CD8B: variants seen among roughly 807,000 people sequenced by gnomAD.
CD8B encodes T-cell surface glycoprotein CD8 beta chain.
A neutral mutation model predicts 24.2 loss-of-function variants in CD8B; 6 were observed. The ratio of observed to expected loss-of-function variants is 0.25; its 90% CI spans 0.14 to 0.49. The LOEUF (loss-of-function observed/expected upper bound fraction) is 0.49. CD8B is among the 20% of genes least tolerant of loss of function. The pLI, the probability that CD8B is intolerant of heterozygous loss-of-function variation, is 0.98. For missense variants in CD8B, 196 were observed against 271.3 expected (o/e 0.72, Z 1.95); for synonymous variants, 84 against 108.3 (o/e 0.78, Z 1.39).
intron 2 of CD8B, among the ~76,000 whole-genome samples, chr2:86,857,136 G>A (rs940907502): frequency 1.3e-5 from 2 of 151,946 alleles, no homozygotes; most frequent in African/African-American, 4.8e-5. Context: ...AGGCCCAGGG[G>A]AGAAAGCATG....
Position 86,844,602 on chromosome 2 carries a change from C to G in CD8B, c.620+320G>C, listed in dbSNP as rs914056597. 4 of 1,407,154 alleles carry G rather than the reference C, an allele frequency of 2.8e-6. No individual in the cohort carries two copies. The African/African-American group carries it at 5.7e-5, about 20-fold the overall frequency. The allele number at this position is 1,407,154 out of a possible 1,614,324, so 87.2% of individuals were successfully genotyped here. A position where few individuals can be genotyped will look rare whatever the true frequency, so the allele number is the denominator to read the frequency against. On this transcript the variant is annotated intron_variant, in intron 5 of 5. Transcript: ENST00000390655. ...TCAGGTTTTTGTTTGTTTAGGTTATCTCTTAGGTTCCTGAACTCTATCACC... is the reference window on the plus strand; with the variant it reads ...TCAGGTTTTTGTTTGTTTAGGTTATGTCTTAGGTTCCTGAACTCTATCACC...
At position 86,858,005 on chromosome 2, in the gene CD8B, C is replaced by T. The variant is rs531617202; in HGVS notation, c.403+52G>A. 3.0e-5 allele frequency: 48 copies of T among 1,582,996 alleles called. No homozygotes were observed. The East Asian group carries it at 6.7e-4, about 22-fold the overall frequency. ...AGCCTGGTGGTCCCAGTGCCTGGCA[C>T]GTGCCTGGCACACAATCGGTGCTCA... On this transcript the variant is annotated intron_variant, in intron 2 of 5. Coordinates refer to ENST00000390655, the MANE Select transcript of CD8B (RefSeq NM_004931.5).
chr2:86,820,499 T>A (rs977046993), intron 5 of CD8B, among the ~76,000 whole-genome samples: 2 of 152,240 alleles, frequency 1.3e-5, no homozygotes, highest in Admixed American at 6.5e-5. Context: ...GATTTTAGCA[T>A]GTATTTGGTA....
At chr2:86,850,340 A>G (rs1477608060) in intron 3 of CD8B, among the ~76,000 whole-genome samples, 1 of 152,110 alleles carries the variant, frequency 6.6e-6, no homozygotes, top group Non-Finnish European at 1.5e-5. Flanking sequence ...ATGGTCCCCC[A>G]GCACCTAAGG....
intron 5 of CD8B, among the ~76,000 whole-genome samples, chr2:86,830,122 G>A (rs1162026632): frequency 3.3e-5 from 5 of 152,026 alleles, no homozygotes; most frequent in Non-Finnish European, 5.9e-5. Context: ...GGAGTGCAGT[G>A]GTACGATCCT....
At chr2:86,842,366 A>T (rs1248174335) in intron 5 of CD8B, 47 bp from the exon 6 acceptor site, 18 of 1,580,784 alleles carry the variant, frequency 1.1e-5, no homozygotes, top group Non-Finnish European at 1.5e-5. Context: ...CAGGCAAACG[A>T]TATTGAATTT....
chr2:86,851,619 A>G (rs970886720), intron 3 of CD8B, among the ~76,000 whole-genome samples: 3 of 152,130 alleles, frequency 2.0e-5, no homozygotes, highest in African/African-American at 7.2e-5. Flanking sequence ...TGCCGTCCTC[A>G]ATAATTTCTG....
At position 86,858,247 on chromosome 2, in the gene CD8B, G is replaced by A. The variant is rs145473020; in HGVS notation, c.213C>T (p.Ala71=). The A allele has an allele frequency of 2.0e-5, 32 of 1,613,858 alleles. No individual in the cohort carries two copies. The highest frequency in any genetic ancestry group is 2.6e-5 in the Non-Finnish European group (31 of 1,179,884). Residue 71 remains alanine (A), a synonymous_variant, in exon 2 of 6, where the codon GCC becomes GCT. Transcript: ENST00000390655. ...PSSDSHHEFL[A]LWDSAKGTIH... ...TAGTCCCTTTTGCGGAATCCCAGAG[G>A]GCCAGGAACTCGTGGTGACTGTCAC...
intron 3 of CD8B, among the ~76,000 whole-genome samples, chr2:86,849,512 G>T (rs1343378721): frequency 2.0e-5 from 3 of 151,930 alleles, no homozygotes; most frequent in Non-Finnish European, 4.4e-5. Context: ...CGGTAGATTA[G>T]TGGCTGCCAG....
rs897219748 is a variant in CD8B, at chr2:86,844,956, G to A, written c.586C>T (p.Arg196Trp). 22 of 1,557,334 alleles carry A rather than the reference G, an allele frequency of 1.4e-5. No individual in the cohort carries two copies. Among genetic ancestry groups the A allele is most frequent in the Admixed American group, 9.7e-5 (5 of 51,690 alleles). ...AAACGAAGCCGGGCTCTCCTCCGCC[G>A]GCCTGGAAGAGGAAAGCAAGGGCGC... The part of the protein sequence containing the change: ...SLGVAIHLCC[R>W]RRRARLRFMK... Residue 196 changes from arginine (R) to tryptophan (W), a missense_variant and splice_region_variant, in exon 5 of 6, where the codon CGG becomes TGG. Arg to Trp is a moderately radical substitution (Grantham distance 101, BLOSUM62 -3). Coordinates refer to ENST00000390655, the MANE Select transcript of CD8B (RefSeq NM_004931.5).
chr2:86,837,864 G>A (rs1273619400), downstream of CD8B, among the ~76,000 whole-genome samples: 2 of 152,150 alleles, frequency 1.3e-5, no homozygotes, highest in Non-Finnish European at 2.9e-5. Context: ...ACACAGAAAA[G>A]GAAGTACTAT....
At position 86,841,732 on chromosome 2, in the gene CD8B, C is replaced by G; in HGVS notation, c.*575G>C. ...ATGGGAGCTGAGAAGATGAAGTGAA[C>G]TCCTATCCTCAAACCCGCAAGTTCC... On this transcript the variant is annotated 3_prime_UTR_variant, in exon 6 of 6. Transcript: ENST00000390655. 1.0e-6 allele frequency: 1 copy of G among 985,520 alleles called. No individual in the cohort carries two copies. Among genetic ancestry groups the G allele is most frequent in the Non-Finnish European group, 1.2e-6 (1 of 830,022 alleles). 61.0% of individuals were successfully genotyped at this position (985,520 alleles called of 1,614,324 possible).
downstream of CD8B, among the ~76,000 whole-genome samples, chr2:86,833,477 C>CCCTCT (rs1159690975): frequency 2.0e-5 from 3 of 146,924 alleles, no homozygotes; most frequent in Non-Finnish European, 3.0e-5. Context: ...CCGCACCCGG[C>CCCTCT]CCTCTCCTCT....
chr2:86,852,811 A>G (rs1009977324), intron 3 of CD8B, among the ~76,000 whole-genome samples, 186 bp downstream of exon 3: 1 of 152,012 alleles, frequency 6.6e-6, no homozygotes, highest in African/African-American at 2.4e-5. Context: ...ACAATTTATG[A>G]GTCTGTCTCC....
intron 5 of CD8B, among the ~76,000 whole-genome samples, chr2:86,829,395 G>A (rs1301462668): frequency 2.6e-5 from 4 of 152,058 alleles, no homozygotes; most frequent in Non-Finnish European, 4.4e-5. Flanking sequence ...GTGAGCCACC[G>A]CGCCTGGCTG....
intron 5 of CD8B, chr2:86,821,817 C>T (rs1016501050): frequency 9.8e-5 from 34 of 345,826 alleles, no homozygotes; most frequent in Non-Finnish European, 2.1e-4. Context: ...GGGAATGTTC[C>T]GAGCCCCCTG....
rs767948136 is a variant in CD8B, at chr2:86,858,240, C to T, written c.220G>A (p.Asp74Asn). Residue 74 changes from aspartate (D) to asparagine (N), a missense_variant, in exon 2 of 6, where the codon GAT becomes AAT. By Grantham distance (23) the Asp-to-Asn change is conservative. Transcript: ENST00000390655. ...CCGTGGATAGTCCCTTTTGCGGAAT[C>T]CCAGAGGGCCAGGAACTCGTGGTGA... is the stretch of plus-strand genomic sequence containing the variant. ...DSHHEFLALW[D>N]SAKGTIHGEE... 2 of 1,614,032 alleles carry T rather than the reference C, an allele frequency of 1.2e-6. No individual in the cohort carries two copies. The highest frequency in any genetic ancestry group is 1.7e-6 in the Non-Finnish European group (2 of 1,179,868).
rs189939860 is a variant in CD8B, at chr2:86,841,581, G to A, written c.*726C>T. The A allele has an allele frequency of 2.9e-4, 288 of 985,232 alleles. 1 individual carries two copies. The African/African-American group carries it at 4.4e-3, about 15-fold the overall frequency. 61.0% of individuals were successfully genotyped at this position (985,232 alleles called of 1,614,324 possible). ...TTCGCACGTTTATGTCACAGGAGCCGTTTGTTATCTTTAACCTGGGACTTT... is the reference window on the plus strand; with the variant it reads ...TTCGCACGTTTATGTCACAGGAGCCATTTGTTATCTTTAACCTGGGACTTT... On this transcript the variant is annotated 3_prime_UTR_variant, in exon 6 of 6. Coordinates refer to ENST00000390655, the MANE Select transcript of CD8B (RefSeq NM_004931.5).
At chr2:86,856,919 T>G (rs1481638202) in intron 2 of CD8B, among the ~76,000 whole-genome samples, 1 of 152,110 alleles carries the variant, frequency 6.6e-6, no homozygotes, top group Non-Finnish European at 1.5e-5. Context: ...GTTAATAAAT[T>G]GAGTTAAATA....
Sources: allele counts gnomAD v4.1 joint callset (sites outside exome capture counted in the v4.1 genomes callset), GRCh38; gene constraint gnomAD v4.1.1; transcripts MANE v1.5; gene names NCBI Gene and HGNC (gene_info 2026-07-23, HGNC 2026-07-21).